The following TMEM14A variants were observed in gnomAD, a reference collection of about 807,000 sequenced individuals.
The protein encoded by TMEM14A is transmembrane protein 14A.
TMEM14A carries 8 observed loss-of-function variants against 11.6 expected under a neutral mutation model. The observed-to-expected ratio is 0.69, with a 90% CI of 0.40 to 1.24. The LOEUF is 1.24. TMEM14A is among the 50% of genes most tolerant of loss of function. The probability of loss-of-function intolerance (pLI) is 0.01; values close to 1 mark genes in which losing one functional copy is unlikely to be tolerated. For missense variants in TMEM14A, 108 were observed against 121.9 expected (o/e 0.89, Z 0.54); for synonymous variants, 34 against 45.5 (o/e 0.75, Z 1.02).
intron 4 of TMEM14A, 35 bp from the exon 5 acceptor site, chr6:52,685,974 GA>G: frequency 6.2e-7 from 1 of 1,605,008 alleles, no homozygotes; most frequent in Non-Finnish European, 8.5e-7. Context: ...AGATAAAAGT[GA>G]CTCTCCCTTT....
chr6:52,678,823 A>G (rs965546248), intron 2 of TMEM14A, among the ~76,000 whole-genome samples: 1 of 152,214 alleles, frequency 6.6e-6, no homozygotes, highest in Non-Finnish European at 1.5e-5. Context: ...CTGCCCTGCC[A>G]GTGGGAGGTC....
chr6:52,675,281 C>T (rs1441936041), intron 1 of TMEM14A, among the ~76,000 whole-genome samples: 1 of 152,130 alleles, frequency 6.6e-6, no homozygotes, highest in African/African-American at 2.4e-5. Context: ...TAAAAATATG[C>T]AAGGAATCTC....
Position 52,686,205 on chromosome 6 carries a change from T to C in TMEM14A, c.*156T>C. On this transcript the variant is annotated 3_prime_UTR_variant, in exon 5 of 5. Transcript: ENST00000211314. ...TGAACATTAGTTTGAGGTAGTTTTT[T>C]TCTAAAGCAAAAATTTTAACTGTTT... The C allele has an allele frequency of 1.7e-6, 1 of 596,136 alleles. No individual in the cohort carries two copies. The highest frequency in any genetic ancestry group is 4.4e-5 in the South Asian group (1 of 22,680). The allele number at this position is 596,136 out of a possible 1,614,324, so 36.9% of individuals were successfully genotyped here.
rs1483349313 is a variant in TMEM14A at position 52,680,702 on chromosome 6, T to TACAC, written c.71-1110_71-1109insCACA. 8.1e-5 allele frequency among the ~76,000 whole-genome samples: 3 copies of TACAC among 37,046 alleles called. 1 individual carries two copies. The highest frequency in any genetic ancestry group is 3.4e-3 in the East Asian group (2 of 582). 24.3% of individuals were successfully genotyped at this position (37,046 alleles called of 152,430 possible). A position where few individuals can be genotyped will look rare whatever the true frequency, so the allele number is the denominator to read the frequency against. ...ATATATACATATATGTATATATATA[T>TACAC]ATACACATATATATATGGCATGGAT... On this transcript the variant is annotated intron_variant, in intron 2 of 4. Coordinates refer to ENST00000211314, the MANE Select transcript of TMEM14A (RefSeq NM_014051.4).
intron 1 of TMEM14A, among the ~76,000 whole-genome samples, chr6:52,672,031 G>A (rs1393872832): frequency 6.6e-6 from 1 of 152,212 alleles, no homozygotes; most frequent in Non-Finnish European, 1.5e-5. Flanking sequence ...TGCCTCTTTA[G>A]AACAACAGTC....
intron 1 of TMEM14A, among the ~76,000 whole-genome samples, chr6:52,672,627 A>C (rs1769182841): frequency 6.6e-6 from 1 of 151,884 alleles, no homozygotes; most frequent in South Asian, 2.1e-4. Context: ...ACTTCTCCTA[A>C]TGGTCTAAGC....
chr6:52,684,479 T>G (rs1430341192), intron 4 of TMEM14A, among the ~76,000 whole-genome samples: 2 of 152,228 alleles, frequency 1.3e-5, no homozygotes, highest in African/African-American at 4.8e-5. Context: ...CTAAATGTGT[T>G]CATTTAAATC....
chr6:52,677,122 G>C lies in TMEM14A; in HGVS notation c.20G>C (p.Gly7Ala), dbSNP rs763559925. 3.1e-6 allele frequency: 5 copies of C among 1,614,180 alleles called. No individual in the cohort carries two copies. The highest frequency in any genetic ancestry group is 4.2e-6 in the Non-Finnish European group (5 of 1,180,032). The change falls in exon 2 of 5, where the codon GGT becomes GCT. Residue 7 changes from glycine to alanine, a missense_variant. Physicochemically the swap from Gly to Ala is moderately conservative, Grantham distance 60. Transcript: ENST00000211314. MDLIGF[G>A]YAALVTFGSI... ...TTGCCAATGGACCTGATCGGTTTTG[G>C]TTATGCAGCCCTCGTGACATTTGGA...
At chr6:52,675,467 G>A (rs1769239303) in intron 1 of TMEM14A, among the ~76,000 whole-genome samples, 1 of 152,220 alleles carries the variant, frequency 6.6e-6, no homozygotes, top group Admixed American at 6.5e-5. Context: ...GAGGGTGAGG[G>A]AGGGGCATGG....
Position 52,678,329 on chromosome 6 carries a change from TTGTGTGTG to T in TMEM14A, c.70+1192_70+1199del, listed in dbSNP as rs201993880. On this transcript the variant is annotated intron_variant, in intron 2 of 4. Transcript: ENST00000211314. ...ATAGAGAGTGTGTGTATGTGTGTGT[TTGTGTGTG>T]TGTGTGTGTGTGTGTGTGTGTGTGT... 8.9e-3 allele frequency among the ~76,000 whole-genome samples: 267 copies of T among 30,142 alleles called. 3 individuals are homozygous for T. The highest frequency in any genetic ancestry group is 0.025 in the Admixed American group (162 of 6,578). The allele number at this position is 30,142 out of a possible 152,430, so 19.8% of individuals were successfully genotyped here.
chr6:52,681,991 C>T (rs2281484), intron 3 of TMEM14A, 77 bp downstream of exon 3: 699,337 of 1,211,374 alleles, frequency 0.58, 205,508 homozygotes, highest in East Asian at 0.66. Context: ...GCTAGATATA[C>T]TAGAACATAT....
chr6:52,680,348 G>A (rs997378150), intron 2 of TMEM14A, among the ~76,000 whole-genome samples: 7 of 151,604 alleles, frequency 4.6e-5, no homozygotes, highest in African/African-American at 7.3e-5. Context: ...AAGCCATGAC[G>A]AATAGAGTTT....
At chr6:52,676,333 A>G (rs990826682) in intron 1 of TMEM14A, among the ~76,000 whole-genome samples, 1 of 152,112 alleles carries the variant, frequency 6.6e-6, no homozygotes, top group Non-Finnish European at 1.5e-5. Context: ...GCTCATTGCA[A>G]CCTCAACCTC....
In TMEM14A at chr6:52,686,104, C is replaced by T; in HGVS notation, c.*55C>T. The T allele has an allele frequency of 6.6e-6, 10 of 1,512,442 alleles. No individual in the cohort carries two copies. The highest frequency in any genetic ancestry group is 2.3e-5 in the East Asian group (1 of 42,614). The allele number at this position is 1,512,442 out of a possible 1,614,324, so 93.7% of individuals were successfully genotyped here. ...TGTCATCCTGCTGTAATGGGCAGAG[C>T]ATATTTTTTTTGTATTTAAAAGATA... On this transcript the variant is annotated 3_prime_UTR_variant, in exon 5 of 5. Transcript: ENST00000211314.
In TMEM14A at chr6:52,680,596, TA is replaced by T. The variant is rs1446658369; in HGVS notation, c.71-1216del. Reference sequence around the variant, plus strand: ...AAGCCACTATATATTTATATATTTATATATATATATATATATGTATATATAT... The same window carrying T: ...AAGCCACTATATATTTATATATTTATTATATATATATATATGTATATATAT... On this transcript the variant is annotated intron_variant, in intron 2 of 4. Transcript: ENST00000211314. 2.7e-4 allele frequency among the ~76,000 whole-genome samples: 18 copies of T among 67,308 alleles called. 1 individual carries two copies. Among genetic ancestry groups the T allele is most frequent in the African/African-American group, 1.6e-4 (3 of 18,246 alleles). 44.2% of individuals were successfully genotyped at this position (67,308 alleles called of 152,430 possible).
In TMEM14A at chr6:52,680,697, A is replaced by ATATATATGTG. The variant is rs1554137479; in HGVS notation, c.71-1109_71-1108insGTGTATATAT. Among the ~76,000 whole-genome samples, 149 of 92,236 alleles carry ATATATATGTG rather than the reference A, an allele frequency of 1.6e-3. 15 individuals are homozygous for ATATATATGTG. Among genetic ancestry groups the ATATATATGTG allele is most frequent in the African/African-American group, 5.3e-3 (144 of 27,200 alleles). The allele number at this position is 92,236 out of a possible 152,430, so 60.5% of individuals were successfully genotyped here. ...TATATATATATACATATATGTATAT[A>ATATATATGTG]TATATATACACATATATATATGGCA... On this transcript the variant is annotated intron_variant, in intron 2 of 4. Transcript: ENST00000211314.
Position 52,686,056 on chromosome 6 carries a change from G to A in TMEM14A, c.*7G>A, listed in dbSNP as rs1443169816. ...TGTCTTGTTGCTGCTCTGAGCATCTGGAGGAACAGAAAACTAAGTTCATGT... is the reference window on the plus strand; with the variant it reads ...TGTCTTGTTGCTGCTCTGAGCATCTAGAGGAACAGAAAACTAAGTTCATGT... On this transcript the variant is annotated 3_prime_UTR_variant, in exon 5 of 5. Transcript: ENST00000211314. 2.5e-6 allele frequency: 4 copies of A among 1,610,552 alleles called. No homozygotes were observed. The East Asian group carries it at 8.9e-5, about 36-fold the overall frequency.
In TMEM14A at chr6:52,681,885, A is replaced by G. The variant is rs749319412; in HGVS notation, c.143A>G (p.Asn48Ser). The change falls in exon 3 of 5, where the codon AAT (asparagine) becomes AGT (serine). Residue 48 changes from asparagine to serine, a missense_variant. Coordinates refer to ENST00000211314, the MANE Select transcript of TMEM14A (RefSeq NM_014051.4). ...LAGYGAYRVS[N>S]DKRDVKVSLF... is the part of the protein sequence containing the mutation. ...GGCTATGGAGCTTACCGTGTCTCCA[A>G]TGACAAACGAGATGTAAAAGTGTCA... The G allele has an allele frequency of 5.0e-6, 8 of 1,613,992 alleles. No homozygotes were observed. Among genetic ancestry groups the G allele is most frequent in the Middle Eastern group, 1.6e-4 (1 of 6,084 alleles).
intron 4 of TMEM14A, among the ~76,000 whole-genome samples, chr6:52,684,938 A>G (rs898001048): frequency 9.9e-5 from 15 of 152,262 alleles, no homozygotes; most frequent in African/African-American, 3.1e-4. Context: ...TGTTTTGTCC[A>G]TTTAATGGAA....
Sources: allele counts gnomAD v4.1 joint callset (sites outside exome capture counted in the v4.1 genomes callset), GRCh38; gene constraint gnomAD v4.1.1; transcripts MANE v1.5; gene names NCBI Gene and HGNC (gene_info 2026-07-23, HGNC 2026-07-21).